The following FBN1 variants were observed in gnomAD, a reference collection of about 807,000 sequenced individuals.
The protein encoded by FBN1 is fibrillin 1, also known as fibrillin-1.
In FBN1, 29 loss-of-function variants were observed where a neutral mutation model predicts 365.1. The ratio of observed to expected loss-of-function variants is 0.08; its 90% CI spans 0.06 to 0.11. The LOEUF is 0.11. Ranked by LOEUF, FBN1 falls within the 10% of genes least tolerant of loss-of-function variation. The pLI is 1.00. For missense variants in FBN1, 2,476 were observed against 3,703.2 expected, an observed-to-expected ratio of 0.67 and a Z score of 8.60; for synonymous variants, 1,210 against 1,270.5, an observed-to-expected ratio of 0.95 and a Z score of 1.01.
chr15:48,512,391 A>G (rs1252320455), intron 13 of FBN1, among the ~76,000 whole-genome samples: 8 of 152,320 alleles, frequency 5.3e-5, no homozygotes, highest in African/African-American at 1.7e-4. Context: ...AACTTCTGTC[A>G]TGGGGGTTTG....
intron 58 of FBN1, among the ~76,000 whole-genome samples, chr15:48,426,274 A>G (rs1168300403): frequency 6.6e-6 from 1 of 151,942 alleles, no homozygotes. Flanking sequence ...CCCCATTTCC[A>G]CCCCCTAGTA....
At chr15:48,598,408 T>A (rs755608897) in intron 5 of FBN1, among the ~76,000 whole-genome samples, 2 of 152,230 alleles carry the variant, frequency 1.3e-5, no homozygotes. Context: ...AGGTTATTGA[T>A]GTTGTTAGTG....
At chr15:48,497,501 GA>G (rs1303428168) in intron 18 of FBN1, 110 bp from the exon 19 acceptor site, 5 of 1,005,048 alleles carry the variant, frequency 5.0e-6, no homozygotes, top group Admixed American at 2.1e-5. Flanking sequence ...GCTACAGGAG[GA>G]AAAAAATCGA....
intron 6 of FBN1, among the ~76,000 whole-genome samples, chr15:48,547,293 C>A (rs1229644711): frequency 2.6e-5 from 4 of 152,112 alleles, no homozygotes; most frequent in African/African-American, 9.7e-5. Flanking sequence ...GTATGAAGTA[C>A]CCACGGCCCA....
intron 56 of FBN1, 138 bp downstream of exon 56, chr15:48,430,533 T>C (rs768508096): frequency 3.3e-5 from 29 of 891,840 alleles, no homozygotes; most frequent in Non-Finnish European, 4.8e-5. Context: ...GGAACCACCA[T>C]GGAGAGTCCT....
At chr15:48,523,716 G>GC (rs1036810430) in intron 9 of FBN1, among the ~76,000 whole-genome samples, 3 of 144,398 alleles carry the variant, frequency 2.1e-5, no homozygotes, top group East Asian at 4.1e-4. Flanking sequence ...TGGCTGGGGG[G>GC]GGGGGGGAAC....
rs2042945775 is a variant in FBN1 at position 48,421,935 on chromosome 15, T to C, written c.7570+17A>G. ...AATCGCTACAATCCATGTAGGATTT[T>C]TTCCTCTCCTACTCACCAATGCAGG... On this transcript the variant is annotated intron_variant, in intron 61 of 65. Coordinates refer to ENST00000316623, the MANE Select transcript of FBN1 (RefSeq NM_000138.5). 3 of 1,556,402 alleles carry C rather than the reference T, an allele frequency of 1.9e-6. No individual in the cohort carries two copies. Among genetic ancestry groups the C allele is most frequent in the African/African-American group, 2.7e-5 (2 of 73,762 alleles).
intron 6 of FBN1, among the ~76,000 whole-genome samples, chr15:48,591,981 A>C (rs1013120227): frequency 1.3e-5 from 2 of 152,174 alleles, no homozygotes; most frequent in African/African-American, 4.8e-5. Flanking sequence ...ATTCCTCCAT[A>C]AGATGGGACT....
chr15:48,478,232 C>A (rs1344918274), intron 32 of FBN1, among the ~76,000 whole-genome samples: 1 of 152,040 alleles, frequency 6.6e-6, no homozygotes, highest in African/African-American at 2.4e-5. Context: ...AACTGAACAC[C>A]CATGGAGTTT....
rs143178808 is a variant in FBN1, at chr15:48,582,174, G to A, written c.538+14109C>T. Among the ~76,000 whole-genome samples the A allele has an allele frequency of 3.2e-3, 481 of 152,226 alleles. 1 individual carries two copies. Among genetic ancestry groups the A allele is most frequent in the Middle Eastern group, 0.01 (3 of 294 alleles). On this transcript the variant is annotated intron_variant, in intron 6 of 65. Coordinates refer to ENST00000316623, the MANE Select transcript of FBN1 (RefSeq NM_000138.5). ...CAGTCATTTCTTTTTTGAATTACAG[G>A]AAATTCAAGAAATAAACTATGCCTG...
At position 48,441,723 on chromosome 15, in the gene FBN1, T is replaced by C. The variant is rs2043116342; in HGVS notation, c.6161A>G (p.Gln2054Arg). ...FSLSSSGRRC[Q>R]DLRMSYCYAK... Reference sequence around the variant, plus strand: ...CCAAAGCCTTCAAAGACACTTACCTTGGCACCTTCTTCCACTGGAGGACAA... The same window carrying C: ...CCAAAGCCTTCAAAGACACTTACCTCGGCACCTTCTTCCACTGGAGGACAA... Residue 2054 changes from glutamine to arginine, a missense_variant and splice_region_variant, in exon 50 of 66, where the codon CAA (glutamine) becomes CGA (arginine). Coordinates refer to ENST00000316623, the MANE Select transcript of FBN1 (RefSeq NM_000138.5). The C allele has an allele frequency of 1.2e-6, 2 of 1,613,588 alleles. No individual in the cohort carries two copies. The highest frequency in any genetic ancestry group is 1.7e-6 in the Non-Finnish European group (2 of 1,179,616).
intron 2 of FBN1, among the ~76,000 whole-genome samples, chr15:48,623,968 A>AACACAC (rs145521473): frequency 0.028 from 4,073 of 146,454 alleles, 164 homozygotes; most frequent in African/African-American, 0.084. Context: ...CAAAGACACA[A>AACACAC]ACACACACAC....
chr15:48,558,375 A>G (rs1459589168), intron 6 of FBN1, among the ~76,000 whole-genome samples: 2 of 152,204 alleles, frequency 1.3e-5, no homozygotes, highest in Non-Finnish European at 2.9e-5. Context: ...GAGGGTTTAA[A>G]TTATTAGACC....
intron 9 of FBN1, among the ~76,000 whole-genome samples, chr15:48,523,422 TG>T (rs1049425506): frequency 9.2e-5 from 14 of 152,320 alleles, no homozygotes; most frequent in Middle Eastern, 3.4e-3. Flanking sequence ...TGGTGAATGT[TG>T]GGGGTAAAAA....
At chr15:48,527,988 T>C (rs914385541) in intron 8 of FBN1, among the ~76,000 whole-genome samples, 6 of 152,348 alleles carry the variant, frequency 3.9e-5, no homozygotes, top group East Asian at 1.9e-4. Context: ...AAAGCAAGTA[T>C]GTCAAAGAGC....
At chr15:48,441,915 A>G in intron 49 of FBN1, 69 bp from the exon 50 acceptor site, 3 of 1,542,464 alleles carry the variant, frequency 1.9e-6, no homozygotes, top group East Asian at 2.3e-5. Flanking sequence ...CAAACACACA[A>G]TGTGGACACA....
intron 6 of FBN1, among the ~76,000 whole-genome samples, chr15:48,593,229 C>T (rs999167339): frequency 7.2e-5 from 11 of 152,116 alleles, no homozygotes; most frequent in South Asian, 4.2e-4. Context: ...CCCCCAAAGG[C>T]GTATTTCACA....
At chr15:48,516,134 TA>T in intron 11 of FBN1, 48 bp downstream of exon 11, 2 of 1,516,174 alleles carry the variant, frequency 1.3e-6, no homozygotes, top group South Asian at 2.3e-5. Context: ...AAAAAAATGT[TA>T]ACTTGAACAA....
chr15:48,535,088 A>G lies in FBN1; in HGVS notation c.737-883T>C, dbSNP rs766445157. On this transcript the variant is annotated intron_variant, in intron 7 of 65. Coordinates refer to ENST00000316623, the MANE Select transcript of FBN1 (RefSeq NM_000138.5). ...GTAAGGCTGCCCCTCTGCCCGGAAT[A>G]GTCTTCCTCCAGAGAGCTGCATGGC... Among the ~76,000 whole-genome samples, 5 of 152,156 alleles carry G rather than the reference A, an allele frequency of 3.3e-5. 1 individual carries two copies. Among genetic ancestry groups the G allele is most frequent in the Non-Finnish European group, 7.3e-5 (5 of 68,034 alleles).
Sources: gnomAD v4.1 joint callset for allele counts (sites outside exome capture counted in the v4.1 genomes callset) on GRCh38, gnomAD v4.1.1 for gene constraint, MANE v1.5 for transcripts, NCBI Gene and HGNC (gene_info 2026-07-23, HGNC 2026-07-21) for gene names.